ADCY3: variants seen among roughly 807,000 people sequenced by gnomAD.
ADCY3 encodes adenylate cyclase 3, also known as adenylate cyclase type 3.
In ADCY3, 70 loss-of-function variants were observed where a neutral mutation model predicts 119.4. The observed-to-expected ratio is 0.59, with a 90% CI of 0.48 to 0.72. ADCY3 has a LOEUF of 0.72. ADCY3 is among the 30% of genes least tolerant of loss of function. ADCY3 has a pLI of 0.00. For missense variants in ADCY3, 1,238 were observed against 1,541.6 expected, an observed-to-expected ratio of 0.80 and a Z score of 3.30; for synonymous variants, 672 against 621.4, an observed-to-expected ratio of 1.08 and a Z score of -1.21.
intron 2 of ADCY3, among the ~76,000 whole-genome samples, chr2:24,879,712 C>G (rs1676159650): frequency 6.6e-6 from 1 of 152,150 alleles, no homozygotes; most frequent in Non-Finnish European, 1.5e-5. Flanking sequence ...GCTTCCGAGC[C>G]CCTAGTCTCC....
intron 2 of ADCY3, among the ~76,000 whole-genome samples, chr2:24,900,180 G>A (rs1414405550): frequency 3.0e-5 from 4 of 134,668 alleles, no homozygotes; most frequent in African/African-American, 1.3e-4. Flanking sequence ...GCGAAATCTC[G>A]ACTCACTGCA....
At chr2:24,820,180 G>GC in intron 21 of ADCY3, 66 bp from the exon 22 acceptor site, 1 of 1,250,098 alleles carries the variant, frequency 8.0e-7, no homozygotes, top group Non-Finnish European at 1.1e-6. Flanking sequence ...GCGGGTGGGG[G>GC]CTTTGGGTGG....
At chr2:24,877,971 C>G (rs1675927644) in intron 2 of ADCY3, 1 of 471,254 alleles carries the variant, frequency 2.1e-6, no homozygotes, top group South Asian at 1.5e-5. Flanking sequence ...AAAGTCACCT[C>G]TTCTTGCCCC....
rs188248759 is a variant in ADCY3, at chr2:24,915,604, G to A, written c.675+2709C>T. The stretch of plus-strand genomic sequence containing the variant: ...CGCCCAGGCTGGAGTGCAGTGGTGC[G>A]ATCTCGGCTCACTACAATCTCTGCC... On this transcript the variant is annotated intron_variant, in intron 2 of 21. Transcript: ENST00000679454. 5.3e-5 allele frequency among the ~76,000 whole-genome samples: 8 copies of A among 152,224 alleles called. No individual in the cohort carries two copies. The East Asian group carries it at 1.2e-3, about 22-fold the overall frequency.
rs1668809510 is a variant in ADCY3, at chr2:24,827,627, C to T, written c.2433-19G>A. On this transcript the variant is annotated intron_variant, in intron 14 of 21. Coordinates refer to ENST00000679454, the MANE Select transcript of ADCY3 (RefSeq NM_004036.5). ...AGGTAAGCTGTTGGACAGATAACAGCACAGTCAGGCCCCATCTGGGAACAA... is the reference window on the plus strand; with the variant it reads ...AGGTAAGCTGTTGGACAGATAACAGTACAGTCAGGCCCCATCTGGGAACAA... 6.4e-7 allele frequency: 1 copy of T among 1,573,726 alleles called. No homozygotes were observed. The highest frequency in any genetic ancestry group is 1.4e-5 in the African/African-American group (1 of 73,990).
At chr2:24,902,449 C>T (rs975220089) in intron 2 of ADCY3, among the ~76,000 whole-genome samples, 1 of 152,034 alleles carries the variant, frequency 6.6e-6, no homozygotes, top group Non-Finnish European at 1.5e-5. Context: ...AAGCAAGATA[C>T]GAAAGACTGC....
intron 13 of ADCY3, among the ~76,000 whole-genome samples, 181 bp downstream of exon 13, chr2:24,830,528 T>TGGG (rs1476769709): frequency 1.3e-5 from 2 of 152,082 alleles, no homozygotes; most frequent in African/African-American, 4.8e-5. Flanking sequence ...AGAGGCTCCC[T>TGGG]GGATGACAGG....
chr2:24,876,664 C>T (rs1254288484), intron 2 of ADCY3, among the ~76,000 whole-genome samples: 2 of 152,112 alleles, frequency 1.3e-5, no homozygotes, highest in African/African-American at 2.4e-5. Context: ...CAGGTGTGGC[C>T]GCAGGAAGAA....
chr2:24,879,401 C>T (rs1206622904), intron 2 of ADCY3, among the ~76,000 whole-genome samples: 2 of 142,172 alleles, frequency 1.4e-5, no homozygotes, highest in African/African-American at 5.4e-5. Context: ...TGCAGTGAGC[C>T]GAGATTGCGC....
rs544347842 is a variant in ADCY3, at chr2:24,902,568, G to A, written c.675+15745C>T. ...TCTTACCACACCATAGTTGGCCCTT[G>A]AACAACAGGGTTTGAACCGCACAGG... On this transcript the variant is annotated intron_variant, in intron 2 of 21. Coordinates refer to ENST00000679454, the MANE Select transcript of ADCY3 (RefSeq NM_004036.5). Among the ~76,000 whole-genome samples, 73 of 152,036 alleles carry A rather than the reference G, an allele frequency of 4.8e-4. 1 individual carries two copies. Among genetic ancestry groups the A allele is most frequent in the African/African-American group, 1.7e-3 (71 of 41,472 alleles).
At position 24,839,887 on chromosome 2, in the gene ADCY3, G is replaced by C. The variant is rs376719708; in HGVS notation, c.1341C>G (p.Ala447=). The C allele has an allele frequency of 1.2e-6, 2 of 1,613,710 alleles. No individual in the cohort carries two copies. The highest frequency in any genetic ancestry group is 1.7e-5 in the Admixed American group (1 of 60,004). Residue 447 remains alanine (A), a synonymous_variant, in exon 7 of 22, where the codon GCC becomes GCG. Transcript: ENST00000679454. ...TDVTVANKME[A]GGIPGRVHIS... ...ATGGCACTCACCCAGGGATGCCGCC[G>C]GCCTCCATCTTGTTGGCTACAGTGA...
chr2:24,912,058 A>ACAGC (rs1663755308), intron 2 of ADCY3, among the ~76,000 whole-genome samples: 2 of 152,224 alleles, frequency 1.3e-5, no homozygotes, highest in South Asian at 4.1e-4. Flanking sequence ...CTCAGTAAAC[A>ACAGC]CAGCCACCTC....
At chr2:24,894,977 CCTCT>C (rs1369331942) in intron 2 of ADCY3, among the ~76,000 whole-genome samples, 1 of 151,984 alleles carries the variant, frequency 6.6e-6, no homozygotes, top group East Asian at 1.9e-4. Flanking sequence ...TATCTTTGTT[CCTCT>C]CTATGTCGTG....
chr2:24,825,833 G>A (rs963525745), intron 16 of ADCY3: 1 of 581,150 alleles, frequency 1.7e-6, no homozygotes, highest in Non-Finnish European at 3.1e-6. Flanking sequence ...ATCCTGGAGG[G>A]GGTCGGACGG....
chr2:24,901,127 G>A (rs763992987), intron 2 of ADCY3, among the ~76,000 whole-genome samples: 3 of 152,166 alleles, frequency 2.0e-5, no homozygotes, highest in Non-Finnish European at 2.9e-5. Context: ...GGTCAGAGCC[G>A]AGCAGGAAGG....
At chr2:24,833,112 G>C (rs1489659025) in intron 11 of ADCY3, among the ~76,000 whole-genome samples, 1 of 152,242 alleles carries the variant, frequency 6.6e-6, no homozygotes, top group Non-Finnish European at 1.5e-5. Flanking sequence ...TGGTCTCACT[G>C]CTCCCGCTGT....
chr2:24,837,119 G>A, intron 8 of ADCY3, 74 bp from the exon 9 acceptor site: 8 of 1,520,656 alleles, frequency 5.3e-6, no homozygotes, highest in African/African-American at 1.4e-5. Flanking sequence ...GAAGTGACAA[G>A]GGCGTGGGAG....
At chr2:24,866,543 T>C (rs541202028) in intron 3 of ADCY3, among the ~76,000 whole-genome samples, 2 of 107,088 alleles carry the variant, frequency 1.9e-5, no homozygotes, top group Admixed American at 1.5e-4. Flanking sequence ...CCAGCCTGAG[T>C]GACAAAGCAA....
intron 3 of ADCY3, among the ~76,000 whole-genome samples, chr2:24,868,670 A>C (rs1674608068): frequency 6.6e-6 from 1 of 151,904 alleles, no homozygotes; most frequent in African/African-American, 2.4e-5. Context: ...TAAGAAGGTA[A>C]AAAAGGACAC....
Sources: allele counts gnomAD v4.1 joint callset (sites outside exome capture counted in the v4.1 genomes callset), GRCh38; gene constraint gnomAD v4.1.1; transcripts MANE v1.5; gene names NCBI Gene and HGNC (gene_info 2026-07-23, HGNC 2026-07-21).